The following PHAF1 variants were observed in gnomAD, a reference collection of about 807,000 sequenced individuals.
PHAF1 encodes phagophore assembly factor 1, also known as phagosome assembly factor 1.
In PHAF1, 23 loss-of-function variants were observed where a neutral mutation model predicts 63.1. That is an observed-to-expected ratio of 0.36 (90% confidence interval 0.26 to 0.52). The LOEUF (loss-of-function observed/expected upper bound fraction) is 0.52. Among genes scored for constraint, PHAF1 ranks in the 20% least tolerant of loss-of-function variants. The pLI, the probability that PHAF1 is intolerant of heterozygous loss-of-function variation, is 0.93. For missense variants in PHAF1, 427 were observed against 517.2 expected (o/e 0.83, Z 1.69); for synonymous variants, 167 against 185.0 (o/e 0.90, Z 0.79).
chr16:67,146,197 A>C, intron 14 of PHAF1, 81 bp from the exon 15 acceptor site: 15 of 1,286,566 alleles, frequency 1.2e-5, no homozygotes, highest in Non-Finnish European at 1.6e-5. Context: ...CCAGTATCCC[A>C]TACCCCAGAA....
intron 4 of PHAF1, 146 bp from the exon 5 acceptor site, chr16:67,132,300 A>G (rs1271122377): frequency 2.8e-6 from 2 of 708,966 alleles, no homozygotes; most frequent in South Asian, 2.0e-5. Context: ...CTCTTATTTA[A>G]AAGTTCTCTA....
chr16:67,139,068 G>T (rs1288906473), intron 8 of PHAF1, among the ~76,000 whole-genome samples: 1 of 151,226 alleles, frequency 6.6e-6, no homozygotes, highest in Non-Finnish European at 1.5e-5. Flanking sequence ...GCAGGAGTGT[G>T]CCACCACGCC....
intron 3 of PHAF1, among the ~76,000 whole-genome samples, chr16:67,127,147 C>T (rs1325588309): frequency 6.6e-6 from 1 of 152,164 alleles, no homozygotes; most frequent in Non-Finnish European, 1.5e-5. Flanking sequence ...GGATTACAGG[C>T]ATGAGCCACC....
chr16:67,127,807 AT>A (rs769811481), intron 3 of PHAF1, among the ~76,000 whole-genome samples: 9 of 152,060 alleles, frequency 5.9e-5, no homozygotes, highest in Non-Finnish European at 1.2e-4. Flanking sequence ...AAAAAAAAAA[AT>A]TGGGGGGAAA....
At chr16:67,143,643 A>G (rs753238836) in intron 10 of PHAF1, among the ~76,000 whole-genome samples, 8 of 151,842 alleles carry the variant, frequency 5.3e-5, no homozygotes, top group Non-Finnish European at 1.0e-4. Flanking sequence ...GCCAGGCACT[A>G]CTCTAGGAGT....
chr16:67,116,487 C>T (rs1440209789), intron 1 of PHAF1, among the ~76,000 whole-genome samples: 1 of 152,208 alleles, frequency 6.6e-6, no homozygotes, highest in Admixed American at 6.5e-5. Flanking sequence ...GCCATGGTCC[C>T]TTTTCCTTCC....
chr16:67,123,911 C>G (rs1274456422), intron 2 of PHAF1, among the ~76,000 whole-genome samples: 1 of 152,174 alleles, frequency 6.6e-6, no homozygotes, highest in Non-Finnish European at 1.5e-5. Flanking sequence ...ATATTAACAA[C>G]TAGTAGCAGA....
intron 3 of PHAF1, among the ~76,000 whole-genome samples, chr16:67,126,781 G>T (rs150238430): frequency 9.9e-4 from 149 of 151,128 alleles, no homozygotes; most frequent in Admixed American, 4.4e-3. Context: ...GTAGAGATGG[G>T]GTTTTACCAT....
At chr16:67,144,199 T>A in intron 10 of PHAF1, 95 bp from the exon 11 acceptor site, 1 of 801,402 alleles carries the variant, frequency 1.2e-6, no homozygotes, top group Non-Finnish European at 2.2e-6. Flanking sequence ...TGCTGTGGAG[T>A]GCACTGGATG....
intron 14 of PHAF1, among the ~76,000 whole-genome samples, 186 bp downstream of exon 14, chr16:67,145,814 TAGAG>T (rs528591562): frequency 2.0e-5 from 3 of 152,220 alleles, no homozygotes; most frequent in Non-Finnish European, 2.9e-5. Flanking sequence ...TCATCTTTGA[TAGAG>T]AGAATGTCCC....
intron 3 of PHAF1, among the ~76,000 whole-genome samples, chr16:67,127,861 C>G (rs570774558): frequency 3.3e-5 from 5 of 152,212 alleles, no homozygotes; most frequent in Admixed American, 2.6e-4. Context: ...TAGTCATTTC[C>G]CTTTGACTTG....
Position 67,131,306 on chromosome 16 carries a change from G to T in PHAF1, c.252G>T (p.Leu84Phe). Residue 84 changes from leucine (L) to phenylalanine (F), a missense_variant, in exon 4 of 16, where the codon TTG becomes TTT. Physicochemically the swap from Leu to Phe is conservative, Grantham distance 22 (BLOSUM62 0). Coordinates refer to ENST00000219139, the MANE Select transcript of PHAF1 (RefSeq NM_025187.5). Reference sequence around the variant, plus strand: ...TTTAGGTGATCGAAGTATGTGATTTGACTAAAGTAAAGTTAAAATATTGGT... The same window carrying T: ...TTTAGGTGATCGAAGTATGTGATTTTACTAAAGTAAAGTTAAAATATTGGT... ...QRLKVIEVCD[L>F]TKVKLKYCGV... The T allele has an allele frequency of 6.3e-7, 1 of 1,578,108 alleles. No homozygotes were observed. The highest frequency in any genetic ancestry group is 1.1e-5 in the South Asian group (1 of 87,942).
At chr16:67,137,663 AG>A (rs1378384288) in intron 8 of PHAF1, among the ~76,000 whole-genome samples, 1 of 151,864 alleles carries the variant, frequency 6.6e-6, no homozygotes, top group African/African-American at 2.4e-5. Flanking sequence ...AGCAAAGTCA[AG>A]TGATTTAGTG....
intron 14 of PHAF1, 87 bp downstream of exon 14, chr16:67,145,715 C>G: frequency 2.1e-6 from 3 of 1,417,690 alleles, no homozygotes; most frequent in Non-Finnish European, 2.9e-6. Flanking sequence ...GTGGATGTTG[C>G]TTAAAAATTA....
At chr16:67,120,043 C>A in intron 1 of PHAF1, 69 bp from the exon 2 acceptor site, 1 of 1,341,088 alleles carries the variant, frequency 7.5e-7, no homozygotes, top group South Asian at 1.2e-5. Context: ...GGACCAGTGC[C>A]TAGTGAAGTG....
intron 3 of PHAF1, among the ~76,000 whole-genome samples, chr16:67,128,700 G>A (rs1299492380): frequency 1.3e-5 from 2 of 152,178 alleles, no homozygotes; most frequent in African/African-American, 2.4e-5. Context: ...CTTCCCAGCT[G>A]CTTGTCCCTG....
At chr16:67,110,713 G>A (rs1962478292) in intron 1 of PHAF1, among the ~76,000 whole-genome samples, 1 of 152,216 alleles carries the variant, frequency 6.6e-6, no homozygotes, top group African/African-American at 2.4e-5. Context: ...CTTTTTAGGA[G>A]GGGAAACCTA....
intron 3 of PHAF1, among the ~76,000 whole-genome samples, chr16:67,126,276 T>A (rs1963185340): frequency 6.6e-6 from 1 of 152,130 alleles, no homozygotes; most frequent in African/African-American, 2.4e-5. Flanking sequence ...TTTCCCAGGC[T>A]CCAGAGGGGA....
intron 1 of PHAF1, among the ~76,000 whole-genome samples, chr16:67,113,051 G>A (rs1016186253): frequency 1.3e-5 from 2 of 152,162 alleles, no homozygotes; most frequent in African/African-American, 2.4e-5. Context: ...GCCACCACAG[G>A]CTTGTAAGAT....
Sources: gnomAD v4.1 joint callset for allele counts (sites outside exome capture counted in the v4.1 genomes callset) on GRCh38, gnomAD v4.1.1 for gene constraint, MANE v1.5 for transcripts, NCBI Gene and HGNC (gene_info 2026-07-23, HGNC 2026-07-21) for gene names.